Variants in LRMDA observed in about 807,000 individuals in gnomAD.
The protein encoded by LRMDA is leucine-rich melanocyte differentiation-associated protein.
LRMDA carries 18 observed loss-of-function variants against 29.8 expected under a neutral mutation model. The ratio of observed to expected loss-of-function variants is 0.60; its 90% CI spans 0.42 to 0.90. LRMDA has a LOEUF of 0.90. Among genes scored for constraint, LRMDA ranks in the 40% least tolerant of loss-of-function variants. LRMDA has a pLI of 0.00. For synonymous variants in LRMDA, 125 were observed against 109.4 expected (o/e 1.14, Z -0.89); for missense variants, 273 against 273.9 (o/e 1.00, Z 0.02).
chr10:75,707,208 C>G (rs1457587994), intron 2 of LRMDA, among the ~76,000 whole-genome samples: 1 of 152,168 alleles, frequency 6.6e-6, no homozygotes, highest in African/African-American at 2.4e-5. Flanking sequence ...TACTATCTCC[C>G]TCTGTGTTTT....
chr10:75,820,898 A>C (rs1198885354), intron 2 of LRMDA, among the ~76,000 whole-genome samples: 2 of 152,232 alleles, frequency 1.3e-5, no homozygotes, highest in Non-Finnish European at 2.9e-5. Context: ...TTTATGTACA[A>C]ACTAGAAAAT....
chr10:75,671,164 A>T (rs981440961), intron 2 of LRMDA, among the ~76,000 whole-genome samples: 1 of 152,200 alleles, frequency 6.6e-6, no homozygotes. Flanking sequence ...TCAGCATTTC[A>T]AGAGTTTTAA....
chr10:75,911,689 G>C (rs1209804465), intron 2 of LRMDA, among the ~76,000 whole-genome samples: 1 of 152,330 alleles, frequency 6.6e-6, no homozygotes, highest in East Asian at 1.9e-4. Flanking sequence ...TCTTCAGTGA[G>C]CATGTATGAT....
chr10:75,730,500 T>A (rs1289669106), intron 2 of LRMDA, among the ~76,000 whole-genome samples: 1 of 152,180 alleles, frequency 6.6e-6, no homozygotes, highest in African/African-American at 2.4e-5. Flanking sequence ...AGCTTACTGA[T>A]GAGCGCGTCA....
intron 6 of LRMDA, among the ~76,000 whole-genome samples, chr10:76,430,963 A>G (rs193215413): frequency 3.9e-5 from 6 of 152,222 alleles, no homozygotes; most frequent in African/African-American, 1.2e-4. Context: ...TGAATTAAAA[A>G]CCACCTAATA....
intron 2 of LRMDA, among the ~76,000 whole-genome samples, chr10:75,538,174 A>G (rs1839974449): frequency 6.6e-6 from 1 of 152,154 alleles, no homozygotes; most frequent in Non-Finnish European, 1.5e-5. Flanking sequence ...GCAGATACTG[A>G]TGAGGCCGCT....
intron 2 of LRMDA, among the ~76,000 whole-genome samples, chr10:75,683,441 G>T (rs1842047776): frequency 6.6e-6 from 1 of 152,138 alleles, no homozygotes; most frequent in Admixed American, 6.5e-5. Flanking sequence ...AACTGGGCAG[G>T]ATTAATCATG....
intron 5 of LRMDA, among the ~76,000 whole-genome samples, chr10:76,227,748 A>C (rs975867839): frequency 2.2e-4 from 33 of 152,240 alleles, no homozygotes; most frequent in African/African-American, 7.5e-4. Context: ...TGAGAAAGGG[A>C]GACAGGTTGG....
intron 5 of LRMDA, among the ~76,000 whole-genome samples, chr10:76,287,407 C>A (rs1347516756): frequency 6.6e-6 from 1 of 152,024 alleles, no homozygotes; most frequent in Non-Finnish European, 1.5e-5. Flanking sequence ...TAATTGGGAC[C>A]AAAAATGCTC....
At chr10:75,555,685 A>G (rs1840204287) in intron 2 of LRMDA, among the ~76,000 whole-genome samples, 1 of 152,200 alleles carries the variant, frequency 6.6e-6, no homozygotes, top group Non-Finnish European at 1.5e-5. Context: ...CATATCATTC[A>G]AGAGATCCAG....
chr10:76,307,605 A>G (rs1840573995), intron 5 of LRMDA, among the ~76,000 whole-genome samples: 1 of 152,174 alleles, frequency 6.6e-6, no homozygotes. Flanking sequence ...AGGCTCAATC[A>G]GGTAGAGGGT....
intron 2 of LRMDA, among the ~76,000 whole-genome samples, chr10:76,023,341 C>T (rs1387876839): frequency 2.0e-5 from 3 of 152,264 alleles, no homozygotes; most frequent in South Asian, 2.1e-4. Context: ...GAAAAGCAGG[C>T]GGGAGTTCTT....
chr10:75,999,589 G>T (rs1418186167), intron 2 of LRMDA, among the ~76,000 whole-genome samples: 1 of 152,228 alleles, frequency 6.6e-6, no homozygotes, highest in Non-Finnish European at 1.5e-5. Flanking sequence ...CCCAATCTAG[G>T]AGTTTCTTCT....
At chr10:75,922,658 T>G (rs536060474) in intron 2 of LRMDA, among the ~76,000 whole-genome samples, 213 of 152,220 alleles carry the variant, frequency 1.4e-3, no homozygotes, top group African/African-American at 4.8e-3. Flanking sequence ...TGGGCATAAC[T>G]CACTGACTGC....
At chr10:76,218,776 A>T (rs1851774596) in intron 5 of LRMDA, among the ~76,000 whole-genome samples, 1 of 110,256 alleles carries the variant, frequency 9.1e-6, no homozygotes, top group Non-Finnish European at 2.1e-5. Context: ...AATAGCTGTG[A>T]GTCTCACTGC....
intron 2 of LRMDA, among the ~76,000 whole-genome samples, chr10:75,544,972 C>T (rs1377007758): frequency 2.0e-5 from 3 of 152,008 alleles, no homozygotes; most frequent in Non-Finnish European, 4.4e-5. Flanking sequence ...AGGTATTAGC[C>T]CAATGCTTTT....
chr10:76,264,418 A>AG, intron 5 of LRMDA, among the ~76,000 whole-genome samples: 1 of 12,144 alleles, frequency 8.2e-5, no homozygotes, highest in Non-Finnish European at 1.8e-4. Flanking sequence ...AAAAAAAAAA[A>AG]AAAAAAAAAA....
intron 5 of LRMDA, chr10:76,270,325 C>T (rs28361279): frequency 6.6e-6 from 1 of 152,150 alleles, no homozygotes; most frequent in South Asian, 2.1e-4. Context: ...GAGCTGAGAC[C>T]TAAATGTGAA....
intron 2 of LRMDA, among the ~76,000 whole-genome samples, chr10:75,873,385 C>G (rs935205652): frequency 6.6e-6 from 1 of 152,112 alleles, no homozygotes; most frequent in African/African-American, 2.4e-5. Context: ...ACATTATTGC[C>G]TTCGAATCAT....
Sources: allele counts gnomAD v4.1 joint callset (sites outside exome capture counted in the v4.1 genomes callset), GRCh38; gene constraint gnomAD v4.1.1; transcripts MANE v1.5; gene names NCBI Gene and HGNC (gene_info 2026-07-23, HGNC 2026-07-21).